The following CHL1 variants were observed in gnomAD, a reference collection of about 807,000 sequenced individuals.
CHL1 encodes the protein neural cell adhesion molecule L1-like protein.
A neutral mutation model predicts 141.9 loss-of-function variants in CHL1; 96 were observed. That is an observed-to-expected ratio of 0.68 (90% CI 0.57 to 0.80). CHL1 has a LOEUF of 0.80. CHL1 is among the 30% of genes least tolerant of loss of function. CHL1 has a pLI of 0.00. For missense variants in CHL1, 1,820 were observed against 1,457.2 expected, an observed-to-expected ratio of 1.25 and a Z score of -4.05; for synonymous variants, 613 against 502.2, an observed-to-expected ratio of 1.22 and a Z score of -2.95.
intron 5 of CHL1, chr3:328,599 C>A: frequency 2.9e-6 from 1 of 340,060 alleles, no homozygotes; most frequent in Admixed American, 4.7e-5. Flanking sequence ...ATAATATCTG[C>A]TTTGCCTTAT....
chr3:242,389 G>A (rs9856168), intron 1 of CHL1, among the ~76,000 whole-genome samples: 6 of 140,202 alleles, frequency 4.3e-5, no homozygotes, highest in Admixed American at 7.3e-5. Context: ...GAGGTCAGGA[G>A]ATCGAGACCA....
At chr3:282,828 G>A (rs1458267091) in intron 2 of CHL1, 1 of 152,252 alleles carries the variant, frequency 6.6e-6, no homozygotes, top group Non-Finnish European at 1.5e-5. Context: ...AAATGAGGAA[G>A]ACTTGGGGGA....
At chr3:300,535 A>G (rs965595282) in intron 2 of CHL1, among the ~76,000 whole-genome samples, 5 of 152,140 alleles carry the variant, frequency 3.3e-5, no homozygotes, top group African/African-American at 4.8e-5. Context: ...TTGGCATCCA[A>G]TTATTTTATA....
chr3:277,089 TA>T (rs1696206522), intron 2 of CHL1, among the ~76,000 whole-genome samples: 1 of 152,064 alleles, frequency 6.6e-6, no homozygotes, highest in South Asian at 2.1e-4. Flanking sequence ...GAATTACTGA[TA>T]AAATACTTAG....
chr3:232,392 G>A (rs187376215), intron 1 of CHL1, among the ~76,000 whole-genome samples: 56 of 152,134 alleles, frequency 3.7e-4, no homozygotes, highest in Middle Eastern at 3.4e-3. Context: ...ACAATAATTA[G>A]CATATTATTA....
chr3:255,332 A>G (rs924331004), intron 2 of CHL1, among the ~76,000 whole-genome samples: 1 of 152,210 alleles, frequency 6.6e-6, no homozygotes, highest in African/African-American at 2.4e-5. Flanking sequence ...AAGACTTCCT[A>G]GAGTTTCATG....
At chr3:383,936 C>A (rs527483385) in intron 19 of CHL1, 50 bp downstream of exon 19, 5 of 1,275,740 alleles carry the variant, frequency 3.9e-6, no homozygotes, top group Non-Finnish European at 5.6e-6. Context: ...TTCTCTTCCT[C>A]TTAGGTCTGC....
chr3:272,084 T>C (rs1317291865), intron 2 of CHL1, among the ~76,000 whole-genome samples: 1 of 152,252 alleles, frequency 6.6e-6, no homozygotes, highest in Non-Finnish European at 1.5e-5. Context: ...ATAACATTCA[T>C]ATAGATAATC....
intron 1 of CHL1, among the ~76,000 whole-genome samples, chr3:198,406 A>G (rs1469969003): frequency 1.3e-5 from 2 of 151,916 alleles, no homozygotes; most frequent in Non-Finnish European, 2.9e-5. Flanking sequence ...GCGCGTGGCG[A>G]TGGTAACTGG....
At chr3:332,696 C>T (rs184953987) in intron 5 of CHL1, among the ~76,000 whole-genome samples, 1 of 152,268 alleles carries the variant, frequency 6.6e-6, no homozygotes, top group African/African-American at 2.4e-5. Context: ...TTTGAATTGA[C>T]TTTCAGTAGG....
At chr3:285,500 C>A (rs1391414149) in intron 2 of CHL1, among the ~76,000 whole-genome samples, 2 of 152,244 alleles carry the variant, frequency 1.3e-5, no homozygotes, top group Non-Finnish European at 1.5e-5. Flanking sequence ...TCAGTTCTTT[C>A]CCTAATTTTG....
At chr3:287,901 G>A (rs1043765090) in intron 2 of CHL1, among the ~76,000 whole-genome samples, 2 of 151,864 alleles carry the variant, frequency 1.3e-5, no homozygotes, top group African/African-American at 4.8e-5. Context: ...GAGTAGCTGG[G>A]ACTACAGGCG....
intron 24 of CHL1, among the ~76,000 whole-genome samples, chr3:395,796 C>A (rs954922706): frequency 6.6e-6 from 1 of 152,204 alleles, no homozygotes; most frequent in Non-Finnish European, 1.5e-5. Context: ...AGACTGTGTT[C>A]TGGATGCTTT....
At chr3:260,736 TA>T (rs1253162358) in intron 2 of CHL1, among the ~76,000 whole-genome samples, 2 of 152,174 alleles carry the variant, frequency 1.3e-5, no homozygotes, top group Non-Finnish European at 2.9e-5. Flanking sequence ...AAAGTCTACA[TA>T]AAAACCTTCC....
intron 27 of CHL1, among the ~76,000 whole-genome samples, chr3:403,659 A>G (rs1023568288): frequency 1.3e-5 from 2 of 152,108 alleles, no homozygotes; most frequent in East Asian, 1.9e-4. Flanking sequence ...CTAAAAACCC[A>G]TTTCCCCACA....
At chr3:242,351 C>T (rs1692674374) in intron 1 of CHL1, among the ~76,000 whole-genome samples, 3 of 149,148 alleles carry the variant, frequency 2.0e-5, no homozygotes, top group South Asian at 2.2e-4. Context: ...AATCCCAGCA[C>T]TTTGGGAGGC....
intron 2 of CHL1, among the ~76,000 whole-genome samples, chr3:254,057 C>T (rs404897): frequency 0.17 from 25,258 of 152,110 alleles, 2,368 homozygotes; most frequent in East Asian, 0.39. Flanking sequence ...CTGCTCAGAC[C>T]GACCTTTGAG....
chr3:398,513 A>G (rs1300193940), intron 25 of CHL1, 128 bp downstream of exon 25: 10 of 539,180 alleles, frequency 1.9e-5, no homozygotes, highest in Non-Finnish European at 2.5e-5. Context: ...CGTAATTTCA[A>G]TTTGTTTTGA....
chr3:336,411 TTTAG>T (rs1385741562), intron 5 of CHL1, among the ~76,000 whole-genome samples: 1 of 152,182 alleles, frequency 6.6e-6, no homozygotes, highest in African/African-American at 2.4e-5. Flanking sequence ...ATGAATTGTA[TTTAG>T]TTAAATTTCC....
Sources: allele counts gnomAD v4.1 joint callset (sites outside exome capture counted in the v4.1 genomes callset), GRCh38; gene constraint gnomAD v4.1.1; transcripts MANE v1.5; gene names NCBI Gene and HGNC (gene_info 2026-07-23, HGNC 2026-07-21).